The following PCGF6 variants were observed in gnomAD, a reference collection of about 807,000 sequenced individuals.
PCGF6 encodes polycomb group RING finger protein 6.
PCGF6 carries 24 observed loss-of-function variants against 45.5 expected under a neutral mutation model. That is an observed-to-expected ratio of 0.53 (90% CI 0.38 to 0.74). PCGF6 has a LOEUF of 0.74. PCGF6 is among the 30% of genes least tolerant of loss of function. The probability of loss-of-function intolerance (pLI) is 0.00; values close to 1 mark genes in which losing one functional copy is unlikely to be tolerated. For missense variants in PCGF6, 356 were observed against 443.2 expected (o/e 0.80, Z 1.77); for synonymous variants, 152 against 162.1 (o/e 0.94, Z 0.47).
At position 103,322,305 on chromosome 10, in the gene PCGF6, A is replaced by C. The variant is rs1183935910; in HGVS notation, c.909+4229T>G. Among the ~76,000 whole-genome samples, 9 of 151,974 alleles carry C rather than the reference A, an allele frequency of 5.9e-5. 1 individual carries two copies. In the East Asian group the frequency reaches 1.8e-3, roughly 30 times the overall value. Reference sequence around the variant, plus strand: ...AGCCTGGATCTCCCAGGCTCAACCCACCTCAGCCTCCCTAGGAGCTAGGAC... The same window carrying C: ...AGCCTGGATCTCCCAGGCTCAACCCCCCTCAGCCTCCCTAGGAGCTAGGAC... On this transcript the variant is annotated intron_variant, in intron 8 of 9. Coordinates refer to ENST00000369847, the MANE Select transcript of PCGF6 (RefSeq NM_001011663.2).
Position 103,315,794 on chromosome 10 carries a change from C to T in PCGF6, c.910-1522G>A, listed in dbSNP as rs556476442. Among the ~76,000 whole-genome samples, 7 of 152,104 alleles carry T rather than the reference C, an allele frequency of 4.6e-5. 1 individual carries two copies. The highest frequency in any genetic ancestry group is 8.8e-5 in the Non-Finnish European group (6 of 67,994). On this transcript the variant is annotated intron_variant, in intron 8 of 9. Transcript: ENST00000369847. ...AACACAGGTGTGAGCCAGTGTGCTC[C>T]GGCCAATATACTGACTTTTATATAG... is the stretch of plus-strand genomic sequence containing the variant.
At chr10:103,325,842 C>T (rs955092975) in intron 8 of PCGF6, among the ~76,000 whole-genome samples, 3 of 131,236 alleles carry the variant, frequency 2.3e-5, no homozygotes, top group African/African-American at 8.5e-5. Flanking sequence ...AAAAGCAAGA[C>T]CGCATCTCTT....
At chr10:103,335,015 G>A (rs1273593039) in intron 6 of PCGF6, among the ~76,000 whole-genome samples, 1 of 152,094 alleles carries the variant, frequency 6.6e-6, no homozygotes, top group African/African-American at 2.4e-5. Flanking sequence ...GTGAAGATTA[G>A]ACAAGTTCAC....
At chr10:103,334,283 C>T (rs527847353) in intron 6 of PCGF6, among the ~76,000 whole-genome samples, 1 of 151,932 alleles carries the variant, frequency 6.6e-6, no homozygotes, top group South Asian at 2.1e-4. Context: ...TTGTGTATAT[C>T]TATAGGTTTT....
chr10:103,320,486 A>G (rs1016506844), intron 8 of PCGF6, among the ~76,000 whole-genome samples: 5 of 152,148 alleles, frequency 3.3e-5, no homozygotes, highest in African/African-American at 1.2e-4. Flanking sequence ...TGGGAGTTCA[A>G]GACCAGCCTG....
rs547333326 is a variant in PCGF6, at chr10:103,322,539, GGC to G, written c.909+3993_909+3994del. 3.6e-4 allele frequency among the ~76,000 whole-genome samples: 54 copies of G among 152,060 alleles called. No homozygotes were observed. In the South Asian group the frequency reaches 0.011, roughly 31 times the overall value. ...TTTGTTTCTGTCAATTAAAAAAACA[GGC>G]TGGGCACAGTGGCTCATGCCTGTAA... On this transcript the variant is annotated intron_variant, in intron 8 of 9. Coordinates refer to ENST00000369847, the MANE Select transcript of PCGF6 (RefSeq NM_001011663.2).
At chr10:103,324,915 A>AC (rs2093211940) in intron 8 of PCGF6, among the ~76,000 whole-genome samples, 2 of 151,648 alleles carry the variant, frequency 1.3e-5, no homozygotes, top group Non-Finnish European at 2.9e-5. Context: ...TAGGCGGATC[A>AC]CCTGAGGTCA....
At chr10:103,345,193 T>C in intron 5 of PCGF6, 61 bp from the exon 6 acceptor site, 1 of 1,178,632 alleles carries the variant, frequency 8.5e-7, no homozygotes, top group Non-Finnish European at 1.2e-6. Context: ...TTGAGATCTT[T>C]GGAAAAATAC....
chr10:103,325,455 A>ATG (rs1355119971), intron 8 of PCGF6, among the ~76,000 whole-genome samples: 1 of 151,968 alleles, frequency 6.6e-6, no homozygotes, highest in Non-Finnish European at 1.5e-5. Flanking sequence ...GGGTTTCACC[A>ATG]TGTTGGTCAG....
chr10:103,315,338 A>G (rs1309981757), intron 8 of PCGF6, among the ~76,000 whole-genome samples: 1 of 152,006 alleles, frequency 6.6e-6, no homozygotes, highest in African/African-American at 2.4e-5. Flanking sequence ...GGTGTGCACC[A>G]CCACATCTGG....
intron 8 of PCGF6, among the ~76,000 whole-genome samples, chr10:103,316,309 A>G (rs1220906935): frequency 6.6e-6 from 1 of 152,122 alleles, no homozygotes; most frequent in Non-Finnish European, 1.5e-5. Flanking sequence ...GTTTACTCCA[A>G]TAAATTTTAT....
intron 8 of PCGF6, among the ~76,000 whole-genome samples, chr10:103,325,845 C>T (rs1468935838): frequency 8.5e-6 from 1 of 117,202 alleles, no homozygotes; most frequent in Non-Finnish European, 1.8e-5. Flanking sequence ...AGCAAGACCG[C>T]ATCTCTTAAA....
intron 6 of PCGF6, among the ~76,000 whole-genome samples, chr10:103,341,319 C>T (rs573942563): frequency 7.3e-5 from 11 of 150,634 alleles, no homozygotes; most frequent in African/African-American, 2.7e-4. Flanking sequence ...TGCAATGGCA[C>T]TATCTCGGCT....
At chr10:103,347,147 A>G (rs1156604255) in intron 5 of PCGF6, 91 bp downstream of exon 5, 1 of 957,344 alleles carries the variant, frequency 1.0e-6, no homozygotes, top group Non-Finnish European at 1.6e-6. Flanking sequence ...TCATATAATA[A>G]GCTACCCCCA....
Position 103,351,112 on chromosome 10 carries a change from G to C in PCGF6, c.-46C>G. 1 of 1,339,260 alleles carries C rather than the reference G, an allele frequency of 7.5e-7. No individual in the cohort carries two copies. The highest frequency in any genetic ancestry group is 9.6e-7 in the Non-Finnish European group (1 of 1,045,126). 83.0% of individuals were successfully genotyped at this position (1,339,260 alleles called of 1,614,324 possible). A position where few individuals can be genotyped will look rare whatever the true frequency, so the allele number is the denominator to read the frequency against. Reference sequence around the variant, plus strand: ...GAGGCGAGGCGGCGGGAGAGCGCGGGAGTTCGGCCGGCCTCGGACGCCACC... The same window carrying C: ...GAGGCGAGGCGGCGGGAGAGCGCGGCAGTTCGGCCGGCCTCGGACGCCACC... On this transcript the variant is annotated 5_prime_UTR_variant, in exon 1 of 10. Transcript: ENST00000369847.
intron 9 of PCGF6, among the ~76,000 whole-genome samples, chr10:103,313,277 A>G (rs968337760): frequency 3.3e-5 from 5 of 152,084 alleles, no homozygotes; most frequent in African/African-American, 1.2e-4. Context: ...AAAATATGCT[A>G]ACACAGGCTG....
chr10:103,327,660 G>C (rs982259510), intron 7 of PCGF6, among the ~76,000 whole-genome samples: 4 of 151,494 alleles, frequency 2.6e-5, no homozygotes, highest in African/African-American at 7.3e-5. Flanking sequence ...ATAATAAAGG[G>C]AATTCTTTTT....
chr10:103,336,677 C>T lies in PCGF6; in HGVS notation c.783-2725G>A, dbSNP rs2093258541. 2.0e-5 allele frequency among the ~76,000 whole-genome samples: 3 copies of T among 152,116 alleles called. No homozygotes were observed. The South Asian group carries it at 6.2e-4, about 31-fold the overall frequency. ...ATCGCTTGAGGTCAGGAGTTTGAGA[C>T]TTGCCTGGCCAACATGGTAAACTTA... On this transcript the variant is annotated intron_variant, in intron 6 of 9. Transcript: ENST00000369847.
At chr10:103,326,199 C>T (rs560837710) in intron 8 of PCGF6, among the ~76,000 whole-genome samples, 70 of 137,946 alleles carry the variant, frequency 5.1e-4, no homozygotes, top group Non-Finnish European at 8.1e-4. Context: ...AGATCGAGAC[C>T]ACAGTGAAAC....
Sources: gnomAD v4.1 joint callset for allele counts (sites outside exome capture counted in the v4.1 genomes callset) on GRCh38, gnomAD v4.1.1 for gene constraint, MANE v1.5 for transcripts, NCBI Gene and HGNC (gene_info 2026-07-23, HGNC 2026-07-21) for gene names.